MSI2: variants seen among roughly 807,000 people sequenced by gnomAD.
MSI2 encodes musashi RNA binding protein 2.
Under a neutral mutation model 45.6 loss-of-function variants are expected in MSI2, and 17 were observed. The ratio of observed to expected loss-of-function variants is 0.37; its 90% CI spans 0.26 to 0.56. The LOEUF (loss-of-function observed/expected upper bound fraction) is 0.56. Among genes scored for constraint, MSI2 ranks in the 20% least tolerant of loss-of-function variants. The probability of loss-of-function intolerance (pLI) is 0.77; values close to 1 mark genes in which losing one functional copy is unlikely to be tolerated. For synonymous variants in MSI2, 156 were observed against 158.2 expected (o/e 0.99, Z 0.11); for missense variants, 293 against 444.2 (o/e 0.66, Z 3.06).
intron 8 of MSI2, among the ~76,000 whole-genome samples, chr17:57,607,642 G>A (rs1000384351): frequency 1.3e-5 from 2 of 152,236 alleles, no homozygotes; most frequent in African/African-American, 4.8e-5. Context: ...GCCTGTCTGT[G>A]TTAGGCCGTT....
chr17:57,260,510 A>G (rs1226710600), intron 4 of MSI2, among the ~76,000 whole-genome samples: 2 of 151,966 alleles, frequency 1.3e-5, no homozygotes, highest in African/African-American at 4.8e-5. Context: ...TAAAAAAAAC[A>G]CCCTCTGGGG....
intron 7 of MSI2, among the ~76,000 whole-genome samples, chr17:57,542,337 T>G (rs900765518): frequency 6.6e-6 from 1 of 152,236 alleles, no homozygotes; most frequent in East Asian, 1.9e-4. Context: ...TAGATTTCAC[T>G]GGCAACCCAA....
intron 6 of MSI2, among the ~76,000 whole-genome samples, chr17:57,524,564 T>C (rs2086659131): frequency 6.6e-6 from 1 of 152,240 alleles, no homozygotes; most frequent in African/African-American, 2.4e-5. Context: ...TATCTGTGAA[T>C]AAGAGTTTAT....
At chr17:57,492,353 C>G (rs2085890274) in intron 6 of MSI2, among the ~76,000 whole-genome samples, 1 of 152,168 alleles carries the variant, frequency 6.6e-6, no homozygotes, top group Admixed American at 6.5e-5. Flanking sequence ...TTGGTATGTC[C>G]TCCGGGTCCC....
At chr17:57,515,695 T>C (rs1292353992) in intron 6 of MSI2, among the ~76,000 whole-genome samples, 1 of 152,164 alleles carries the variant, frequency 6.6e-6, no homozygotes, top group Admixed American at 6.5e-5. Flanking sequence ...CATGTATTCA[T>C]GTGACAGAAT....
intron 11 of MSI2, among the ~76,000 whole-genome samples, chr17:57,671,166 C>T (rs1912744297): frequency 6.6e-6 from 1 of 152,130 alleles, no homozygotes; most frequent in African/African-American, 2.4e-5. Context: ...TGAAATGAAC[C>T]TGATCACCGC....
chr17:57,327,914 ACTT>A (rs1257464515), intron 5 of MSI2, among the ~76,000 whole-genome samples: 1 of 152,086 alleles, frequency 6.6e-6, no homozygotes, highest in Non-Finnish European at 1.5e-5. Flanking sequence ...TGAGTTTGAT[ACTT>A]CTTTCCCCCT....
chr17:57,574,900 A>G (rs1045793040), intron 7 of MSI2, among the ~76,000 whole-genome samples: 7 of 139,326 alleles, frequency 5.0e-5, no homozygotes, highest in South Asian at 2.2e-4. Context: ...GCACGATCTC[A>G]GCTCACTGCA....
At chr17:57,484,752 G>T (rs1429351211) in intron 6 of MSI2, among the ~76,000 whole-genome samples, 1 of 152,146 alleles carries the variant, frequency 6.6e-6, no homozygotes, top group Non-Finnish European at 1.5e-5. Flanking sequence ...GGCTACTCAT[G>T]GCCTTGGCTT....
At chr17:57,273,338 T>G (rs1014139979) in intron 5 of MSI2, among the ~76,000 whole-genome samples, 3 of 152,180 alleles carry the variant, frequency 2.0e-5, no homozygotes, top group African/African-American at 7.2e-5. Context: ...TAAAGCTGAT[T>G]ATGGCAGAAT....
At chr17:57,303,373 T>G (rs1002118465) in intron 5 of MSI2, among the ~76,000 whole-genome samples, 2 of 152,066 alleles carry the variant, frequency 1.3e-5, no homozygotes, top group African/African-American at 2.4e-5. Flanking sequence ...ATGAGAAGAA[T>G]TGCAGGACCA....
At chr17:57,303,662 A>G (rs1180499106) in intron 5 of MSI2, among the ~76,000 whole-genome samples, 1 of 152,216 alleles carries the variant, frequency 6.6e-6, no homozygotes, top group East Asian at 1.9e-4. Flanking sequence ...TTATTTTGCT[A>G]CATCACTCGG....
At chr17:57,471,436 G>A (rs571556735) in intron 6 of MSI2, among the ~76,000 whole-genome samples, 4 of 151,806 alleles carry the variant, frequency 2.6e-5, no homozygotes, top group East Asian at 1.9e-4. Flanking sequence ...GATTACAGGC[G>A]GCTGCCACCA....
chr17:57,443,553 A>C (rs1383380830), intron 6 of MSI2, among the ~76,000 whole-genome samples: 8 of 152,026 alleles, frequency 5.3e-5, no homozygotes, highest in Non-Finnish European at 1.2e-4. Context: ...GGAAGAACCA[A>C]CTCCCATCTG....
At chr17:57,464,788 C>T (rs2085300280) in intron 6 of MSI2, among the ~76,000 whole-genome samples, 1 of 152,238 alleles carries the variant, frequency 6.6e-6, no homozygotes, top group Non-Finnish European at 1.5e-5. Flanking sequence ...GCCTGCAGAG[C>T]CTCTGGCTTC....
chr17:57,427,139 G>A (rs754614166), intron 6 of MSI2, among the ~76,000 whole-genome samples: 3 of 152,240 alleles, frequency 2.0e-5, no homozygotes, highest in Non-Finnish European at 4.4e-5. Flanking sequence ...GCTCACATCT[G>A]TAATCCCAGC....
intron 5 of MSI2, among the ~76,000 whole-genome samples, chr17:57,297,082 C>A (rs1911023820): frequency 2.6e-5 from 4 of 151,914 alleles, no homozygotes. Context: ...ACCATCTTGG[C>A]CAGGCTGGTC....
chr17:57,631,606 A>G (rs1046490129), intron 10 of MSI2: 10 of 587,202 alleles, frequency 1.7e-5, no homozygotes, highest in Admixed American at 6.3e-5. Flanking sequence ...GTGACCAACC[A>G]CTCTGGGAAC....
chr17:57,318,456 G>C (rs1324885961), intron 5 of MSI2, among the ~76,000 whole-genome samples: 1 of 152,156 alleles, frequency 6.6e-6, no homozygotes, highest in Non-Finnish European at 1.5e-5. Flanking sequence ...CTTTGGGGGA[G>C]TGCTCCAGTT....
Sources: allele counts gnomAD v4.1 joint callset (sites outside exome capture counted in the v4.1 genomes callset), GRCh38; gene constraint gnomAD v4.1.1; transcripts MANE v1.5; gene names NCBI Gene and HGNC (gene_info 2026-07-23, HGNC 2026-07-21).